Variants in KIF13A observed in about 807,000 individuals in gnomAD.
The protein encoded by KIF13A is kinesin family member 13A.
In KIF13A, 79 loss-of-function variants were observed where a neutral mutation model predicts 212.2. The ratio of observed to expected loss-of-function variants is 0.37; its 90% CI spans 0.31 to 0.45. The LOEUF (loss-of-function observed/expected upper bound fraction) is 0.45. Ranked by LOEUF, KIF13A falls within the 20% of genes least tolerant of loss-of-function variation. The probability of loss-of-function intolerance (pLI) is 1.00; values close to 1 mark genes in which losing one functional copy is unlikely to be tolerated. For missense variants in KIF13A, 1,901 were observed against 2,209.0 expected, an observed-to-expected ratio of 0.86 and a Z score of 2.79; for synonymous variants, 789 against 808.6, an observed-to-expected ratio of 0.98 and a Z score of 0.41.
intron 20 of KIF13A, among the ~76,000 whole-genome samples, chr6:17,801,562 A>C (rs1246921681): frequency 6.6e-6 from 1 of 152,244 alleles, no homozygotes; most frequent in Non-Finnish European, 1.5e-5. Context: ...AACAGCATAG[A>C]ATAGTTGCTA....
At chr6:17,903,703 A>T (rs971245320) in intron 2 of KIF13A, among the ~76,000 whole-genome samples, 1 of 152,172 alleles carries the variant, frequency 6.6e-6, no homozygotes, top group African/African-American at 2.4e-5. Flanking sequence ...GACAGGGAAG[A>T]CTGACAGGCA....
At chr6:17,788,870 G>A (rs867230205) in intron 26 of KIF13A, among the ~76,000 whole-genome samples, 19 of 152,110 alleles carry the variant, frequency 1.2e-4, no homozygotes, top group South Asian at 4.1e-4. Context: ...GATTATAGGC[G>A]CGCGCCACCA....
rs1240908487 is a variant in KIF13A, at chr6:17,776,048, T to C, written c.4171-986A>G. On this transcript the variant is annotated intron_variant, in intron 34 of 38. Transcript: ENST00000259711. This position sits in a 1 kb window ranked among gnomAD's most constrained non-coding sequence, Gnocchi z 4.6. ...CACCTGCCACGATGCCCAGCTAATT[T>C]TGTATTTTTAGTAGAGACCGGGTTT... Among the ~76,000 whole-genome samples the C allele has an allele frequency of 2.0e-5, 3 of 152,078 alleles. No individual in the cohort carries two copies. The highest frequency in any genetic ancestry group is 4.4e-5 in the Non-Finnish European group (3 of 68,022).
At chr6:17,779,733 T>A (rs1421969066) in intron 31 of KIF13A, 49 bp from the exon 32 acceptor site, 2 of 738,744 alleles carry the variant, frequency 2.7e-6, no homozygotes, top group Non-Finnish European at 4.3e-6. Context: ...CAAATGTAAG[T>A]TATTTTGTAT....
chr6:17,899,822 A>G lies in KIF13A; in HGVS notation c.147-1642T>C, dbSNP rs1283781824. On this transcript the variant is annotated intron_variant, in intron 2 of 38. Coordinates refer to ENST00000259711, the MANE Select transcript of KIF13A (RefSeq NM_022113.6). This position sits in a 1 kb window ranked among gnomAD's most constrained non-coding sequence, Gnocchi z 5.2. ...AACAAGATAAACATTTATAGAGGTT[A>G]TAAATAAAAATGCACAAGTGTTTTT... Among the ~76,000 whole-genome samples the G allele has an allele frequency of 6.6e-6, 1 of 152,244 alleles. No homozygotes were observed. The highest frequency in any genetic ancestry group is 1.5e-5 in the Non-Finnish European group (1 of 68,048).
At chr6:17,875,901 T>A (rs374891052) in intron 3 of KIF13A, among the ~76,000 whole-genome samples, 1 of 152,152 alleles carries the variant, frequency 6.6e-6, no homozygotes, top group Non-Finnish European at 1.5e-5. Context: ...ATGTTGGAAG[T>A]GGTGCACGTT....
chr6:17,980,904 A>G (rs558362820), intron 2 of KIF13A, among the ~76,000 whole-genome samples: 20 of 152,298 alleles, frequency 1.3e-4, no homozygotes, highest in African/African-American at 4.8e-4. Context: ...GAGAACAAAG[A>G]GAGCAAATAA....
intron 25 of KIF13A, among the ~76,000 whole-genome samples, chr6:17,793,830 T>C (rs530632222): frequency 2.6e-5 from 4 of 152,076 alleles, no homozygotes; most frequent in Non-Finnish European, 5.9e-5. Flanking sequence ...GGGAGGACTG[T>C]TTGAGCCCAG....
Position 17,817,093 on chromosome 6 carries a change from T to C in KIF13A, c.1927A>G (p.Ser643Gly). Residue 643 changes from serine (S) to glycine (G), a missense_variant, in exon 17 of 39, where the codon AGT (serine) becomes GGT (glycine). Physicochemically the swap from Ser to Gly is moderately conservative, Grantham distance 56. Coordinates refer to ENST00000259711, the MANE Select transcript of KIF13A (RefSeq NM_022113.6). ...QQLSPDRQPQ[S>G]SGPDRLAYSS... ...TAGGCCAGGCGGTCAGGGCCGCTACTCTGTGGCTGCCTGTCGGGGGAGAGC... is the reference window on the plus strand; with the variant it reads ...TAGGCCAGGCGGTCAGGGCCGCTACCCTGTGGCTGCCTGTCGGGGGAGAGC... 6.2e-7 allele frequency: 1 copy of C among 1,613,976 alleles called. No homozygotes were observed. Among genetic ancestry groups the C allele is most frequent in the East Asian group, 2.2e-5 (1 of 44,882 alleles).
chr6:17,970,029 T>C (rs1045823710), intron 2 of KIF13A, among the ~76,000 whole-genome samples: 5 of 151,986 alleles, frequency 3.3e-5, no homozygotes, highest in Non-Finnish European at 5.9e-5. Flanking sequence ...TTCACGCCAT[T>C]ATCCTGCCTC....
In KIF13A at chr6:17,777,319, G is replaced by T. The variant is rs1161509908; in HGVS notation, c.4128C>A (p.Ala1376=). ...VTVKEALSTK[A]RHIRRSLSTP... is the part of the protein sequence containing the mutation. ...TACTGAGGCTCCTCCGAATGTGCCG[G>T]GCTTTGGTGGAAAGTGCTTCTTTGA... The change falls in exon 34 of 39, where the codon GCC becomes GCA. Residue 1376 remains alanine (A), a synonymous_variant. Coordinates refer to ENST00000259711, the MANE Select transcript of KIF13A (RefSeq NM_022113.6). The surrounding 1 kb of genome is among the most constrained non-coding windows in gnomAD (Gnocchi z 4.4). The T allele has an allele frequency of 6.2e-7, 1 of 1,613,542 alleles. No homozygotes were observed. Among genetic ancestry groups the T allele is most frequent in the East Asian group, 2.2e-5 (1 of 44,872 alleles).
rs1759545586 is a variant in KIF13A at position 17,772,089 on chromosome 6, A to G, written c.4325-30T>C. On this transcript the variant is annotated intron_variant, in intron 36 of 38. Coordinates refer to ENST00000259711, the MANE Select transcript of KIF13A (RefSeq NM_022113.6). This position sits in a 1 kb window ranked among gnomAD's most constrained non-coding sequence, Gnocchi z 4.8. ...GGAAGATGAGAAGTTATGAGGTTACAGATGCTGAACACTTTAAGCAAAACA... is the reference window on the plus strand; with the variant it reads ...GGAAGATGAGAAGTTATGAGGTTACGGATGCTGAACACTTTAAGCAAAACA... 6.2e-7 allele frequency: 1 copy of G among 1,609,878 alleles called. No homozygotes were observed. Among genetic ancestry groups the G allele is most frequent in the Non-Finnish European group, 8.5e-7 (1 of 1,176,770 alleles).
intron 35 of KIF13A, among the ~76,000 whole-genome samples, chr6:17,774,499 C>A (rs1258711444): frequency 3.3e-5 from 5 of 152,130 alleles, no homozygotes; most frequent in African/African-American, 7.2e-5. Flanking sequence ...ATTGTCTGGG[C>A]ATGGTGGCTC....
chr6:17,924,410 G>A (rs569290721), intron 2 of KIF13A, among the ~76,000 whole-genome samples: 8 of 152,248 alleles, frequency 5.3e-5, no homozygotes, highest in East Asian at 1.9e-4. Context: ...TTACTTAAAA[G>A]TTCAATGTAT....
chr6:17,987,580 C>A lies in KIF13A; in HGVS notation c.-117G>T. On this transcript the variant is annotated 5_prime_UTR_variant, in exon 1 of 39. Transcript: ENST00000259711. This position sits in a 1 kb window ranked among gnomAD's most constrained non-coding sequence, Gnocchi z 7.7. The stretch of plus-strand genomic sequence containing the variant: ...CTCGAGCGCGGCCGCCGCCGCTCCG[C>A]CGTGAGCTCCGAGAGGCAGCGCCGA... The A allele has an allele frequency of 2.3e-6, 1 of 439,540 alleles. No homozygotes were observed. The highest frequency in any genetic ancestry group is 9.4e-5 in the South Asian group (1 of 10,676). 27.2% of individuals were successfully genotyped at this position (439,540 alleles called of 1,614,324 possible). A position where few individuals can be genotyped will look rare whatever the true frequency, so the allele number is the denominator to read the frequency against.
chr6:17,802,931 TGTTTTTTTTTGTTTTG>T (rs1561992484), intron 20 of KIF13A, among the ~76,000 whole-genome samples: 2 of 128,866 alleles, frequency 1.6e-5, no homozygotes, highest in African/African-American at 2.7e-5. Context: ...GTGTTTTTTT[TGTTTTTTTTTGTTTTG>T]TTTTGAGACA....
intron 4 of KIF13A, among the ~76,000 whole-genome samples, chr6:17,869,726 T>C (rs1410896299): frequency 1.6e-4 from 25 of 152,190 alleles, no homozygotes; most frequent in Admixed American, 1.5e-3. Context: ...CAAGACATGA[T>C]TGAGAATTTA....
At chr6:17,792,359 A>C (rs1411800713) in intron 25 of KIF13A, among the ~76,000 whole-genome samples, 2 of 152,060 alleles carry the variant, frequency 1.3e-5, no homozygotes, top group Non-Finnish European at 2.9e-5. Context: ...TAAGCCACAA[A>C]ATTTTATTGT....
At position 17,786,577 on chromosome 6, in the gene KIF13A, G is replaced by A. The variant is rs767426559; in HGVS notation, c.3362-936C>T. 1.3e-5 allele frequency among the ~76,000 whole-genome samples: 2 copies of A among 152,086 alleles called. No homozygotes were observed. The highest frequency in any genetic ancestry group is 2.9e-5 in the Non-Finnish European group (2 of 68,016). On this transcript the variant is annotated intron_variant, in intron 27 of 38. Transcript: ENST00000259711. This position sits in a 1 kb window ranked among gnomAD's most constrained non-coding sequence, Gnocchi z 5.4. ...ATCATGCCACTGCACTCCAGCCTGG[G>A]CGACAGAGGGAGACTCCATCTCAAA...
Sources: allele counts gnomAD v4.1 joint callset (sites outside exome capture counted in the v4.1 genomes callset), GRCh38; gene constraint gnomAD v4.1.1; non-coding constraint Gnocchi (gnomAD v3.1); transcripts MANE v1.5; gene names NCBI Gene and HGNC (gene_info 2026-07-23, HGNC 2026-07-21).